HERC1: variants seen among roughly 807,000 people sequenced by gnomAD.
HERC1 encodes HECT and RLD domain containing E3 ubiquitin protein ligase family member 1.
In HERC1, 160 loss-of-function variants were observed where a neutral mutation model predicts 554.3. The observed-to-expected ratio is 0.29, with a 90% CI of 0.25 to 0.33. HERC1 has a LOEUF of 0.33. Among genes scored for constraint, HERC1 ranks in the 10% least tolerant of loss-of-function variants. The pLI, the probability that HERC1 is intolerant of heterozygous loss-of-function variation, is 1.00. For synonymous variants in HERC1, 2,175 were observed against 2,131.7 expected, an observed-to-expected ratio of 1.02 and a Z score of -0.56; for missense variants, 4,919 against 5,918.5, an observed-to-expected ratio of 0.83 and a Z score of 5.54.
Position 63,733,028 on chromosome 15 carries a change from C to T in HERC1, c.2764G>A (p.Gly922Arg), listed in dbSNP as rs766581151. ...ADLSSVCTGY[G>R]NLSDQPYGTQ... Reference sequence around the variant, plus strand: ...CCGTAAGGTTGATCTGACAGATTTCCGTAGCCAGTACACACAGAAGATAGG... The same window carrying T: ...CCGTAAGGTTGATCTGACAGATTTCTGTAGCCAGTACACACAGAAGATAGG... Residue 922 changes from glycine to arginine, a missense_variant, in exon 14 of 78, where the codon GGA becomes AGA. By Grantham distance (125) the Gly-to-Arg change is moderately radical. Transcript: ENST00000443617. 6.8e-6 allele frequency: 11 copies of T among 1,613,730 alleles called. No individual in the cohort carries two copies. The highest frequency in any genetic ancestry group is 7.6e-6 in the Non-Finnish European group (9 of 1,179,824).
chr15:63,748,277 T>C (rs1276290601), intron 10 of HERC1, among the ~76,000 whole-genome samples: 1 of 152,038 alleles, frequency 6.6e-6, no homozygotes, highest in Non-Finnish European at 1.5e-5. Flanking sequence ...TTCAACAAGA[T>C]ACAAAGAAGA....
intron 44 of HERC1, 96 bp downstream of exon 44, chr15:63,662,888 A>G: frequency 1.2e-6 from 1 of 865,450 alleles, no homozygotes; most frequent in Non-Finnish European, 1.8e-6. Context: ...GACTTTTTAG[A>G]GTGTTTCAAC....
intron 12 of HERC1, 60 bp downstream of exon 12, chr15:63,746,858 G>C: frequency 7.1e-7 from 1 of 1,406,138 alleles, no homozygotes; most frequent in South Asian, 1.3e-5. Context: ...ATATTGTATA[G>C]CTAAAATCTC....
In HERC1 at chr15:63,686,351, C is replaced by T. The variant is rs1458224780; in HGVS notation, c.6225+8G>A. ...AAAATGCTAAAAACTATTAGATTTTCTACGTACCTTCCACTGATAGCACCC... is the reference window on the plus strand; with the variant it reads ...AAAATGCTAAAAACTATTAGATTTTTTACGTACCTTCCACTGATAGCACCC... On this transcript the variant is annotated splice_region_variant and intron_variant, in intron 34 of 77. Coordinates refer to ENST00000443617, the MANE Select transcript of HERC1 (RefSeq NM_003922.4). The T allele has an allele frequency of 6.3e-7, 1 of 1,581,544 alleles. No homozygotes were observed. Among genetic ancestry groups the T allele is most frequent in the Admixed American group, 1.9e-5 (1 of 51,366 alleles).
chr15:63,699,800 T>C (rs1436696754), intron 25 of HERC1, among the ~76,000 whole-genome samples: 1 of 152,196 alleles, frequency 6.6e-6, no homozygotes, highest in African/African-American at 2.4e-5. Context: ...TGTTTGAACA[T>C]AACAGCAACT....
chr15:63,783,830 G>T (rs2076356768), intron 1 of HERC1, among the ~76,000 whole-genome samples: 1 of 152,138 alleles, frequency 6.6e-6, no homozygotes, highest in African/African-American at 2.4e-5. Flanking sequence ...CACTTTGGGA[G>T]GCTGAAGCGG....
In HERC1 at chr15:63,753,043, T is replaced by A; in HGVS notation, c.1817A>T (p.Lys606Ile). Residue 606 changes from lysine to isoleucine, a missense_variant, in exon 8 of 78, where the codon AAA (lysine) becomes ATA (isoleucine). Coordinates refer to ENST00000443617, the MANE Select transcript of HERC1 (RefSeq NM_003922.4). ...HGDTNRVYKPKVIEALQGMFI... is the reference protein window; with the variant it reads ...HGDTNRVYKPIVIEALQGMFI... The stretch of plus-strand genomic sequence containing the variant: ...CATTCCTTGTAAAGCTTCAATAACT[T>A]TAGGTTTATACACTCTGTTGGTATC... The A allele has an allele frequency of 6.2e-7, 1 of 1,613,088 alleles. No homozygotes were observed. Among genetic ancestry groups the A allele is most frequent in the Non-Finnish European group, 8.5e-7 (1 of 1,179,354 alleles).
chr15:63,676,224 C>T (rs554518086), intron 37 of HERC1, among the ~76,000 whole-genome samples: 1 of 152,222 alleles, frequency 6.6e-6, no homozygotes, highest in East Asian at 1.9e-4. Flanking sequence ...CTTAACCAGG[C>T]ATCATAAATC....
chr15:63,618,666 T>A (rs1193885147), intron 74 of HERC1, among the ~76,000 whole-genome samples: 1 of 152,236 alleles, frequency 6.6e-6, no homozygotes, highest in Non-Finnish European at 1.5e-5. Context: ...ATTTCTATCC[T>A]GTTTTATTTC....
At chr15:63,781,486 ATTGT>A (rs1445442516) in intron 1 of HERC1, among the ~76,000 whole-genome samples, 2 of 152,156 alleles carry the variant, frequency 1.3e-5, no homozygotes, top group African/African-American at 4.8e-5. Flanking sequence ...TATTATTGTA[ATTGT>A]TTGGGGGTGC....
In HERC1 at chr15:63,754,532, C is replaced by T; in HGVS notation, c.1747G>A (p.Val583Ile). ...TTGTCTCCTCCTCCAAAAGACCATA[C>T]AGTTCTCCCATCTTTAGACAGAGCA... ...TIALSKDGRT[V>I]WSFGGGDNGK... The change falls in exon 7 of 78, where the codon GTA becomes ATA. Residue 583 changes from valine (V) to isoleucine (I), a missense_variant. Physicochemically the swap from Val to Ile is conservative, Grantham distance 29. Coordinates refer to ENST00000443617, the MANE Select transcript of HERC1 (RefSeq NM_003922.4). 6.2e-7 allele frequency: 1 copy of T among 1,610,930 alleles called. No individual in the cohort carries two copies.
chr15:63,782,776 G>A (rs1308487818), intron 1 of HERC1, among the ~76,000 whole-genome samples: 1 of 152,202 alleles, frequency 6.6e-6, no homozygotes, highest in African/African-American at 2.4e-5. Context: ...AGCATCCATG[G>A]TTCATGGGGA....
At chr15:63,802,835 A>G (rs1567142874) in intron 1 of HERC1, among the ~76,000 whole-genome samples, 1 of 152,264 alleles carries the variant, frequency 6.6e-6, no homozygotes, top group South Asian at 2.1e-4. Context: ...AGGTGAACAA[A>G]GCAATAATAG....
intron 12 of HERC1, among the ~76,000 whole-genome samples, chr15:63,744,045 G>A (rs904652032): frequency 1.2e-4 from 18 of 151,036 alleles, no homozygotes; most frequent in Non-Finnish European, 2.1e-4. Flanking sequence ...GACAAGATCT[G>A]GGAGAATTCT....
At chr15:63,668,850 ATAGACAGAACAAG>A (rs1458684227) in intron 40 of HERC1, among the ~76,000 whole-genome samples, 4 of 152,208 alleles carry the variant, frequency 2.6e-5, no homozygotes, top group African/African-American at 4.8e-5. Flanking sequence ...TCTCTCAATA[ATAGACAGAACAAG>A]TAGACAAAAA....
chr15:63,708,506 G>A (rs943200410), intron 24 of HERC1, among the ~76,000 whole-genome samples: 2 of 152,078 alleles, frequency 1.3e-5, no homozygotes, highest in Non-Finnish European at 2.9e-5. Flanking sequence ...AGAAACGAGG[G>A]AGCTAGGGAA....
intron 25 of HERC1, 51 bp downstream of exon 25, chr15:63,706,729 G>A (rs1285969514): frequency 1.3e-6 from 1 of 791,338 alleles, no homozygotes; most frequent in Non-Finnish European, 1.8e-6. Context: ...TTTTTTTTTT[G>A]AGACAGGGTC....
At chr15:63,672,016 G>A (rs1209122113) in intron 39 of HERC1, among the ~76,000 whole-genome samples, 1 of 152,194 alleles carries the variant, frequency 6.6e-6, no homozygotes, top group Non-Finnish European at 1.5e-5. Context: ...GTTGGCTAAA[G>A]AAGCATCATA....
rs925505562 is a variant in HERC1, at chr15:63,776,470, A to G, written c.-26-821T>C. ...GGCAGTTTCTCATAAAACGAAACAT[A>G]TATCTAACCCTATGACCCAACAATT... On this transcript the variant is annotated intron_variant, in intron 1 of 77. Transcript: ENST00000443617. Among the ~76,000 whole-genome samples the G allele has an allele frequency of 3.9e-5, 6 of 152,232 alleles. No individual in the cohort carries two copies. In the East Asian group the frequency reaches 7.7e-4, roughly 20 times the overall value.
Sources: allele counts gnomAD v4.1 joint callset (sites outside exome capture counted in the v4.1 genomes callset), GRCh38; gene constraint gnomAD v4.1.1; transcripts MANE v1.5; gene names NCBI Gene and HGNC (gene_info 2026-07-23, HGNC 2026-07-21).